Variants in TAFA2 observed in about 807,000 individuals in gnomAD.
TAFA2 encodes the protein TAFA chemokine like family member 2.
Under a neutral mutation model 18.8 loss-of-function variants are expected in TAFA2, and 7 were observed. That is an observed-to-expected ratio of 0.37 (90% confidence interval 0.21 to 0.70). The LOEUF (loss-of-function observed/expected upper bound fraction) is 0.70. Ranked by LOEUF, TAFA2 falls within the 30% of genes least tolerant of loss-of-function variation. TAFA2 has a pLI of 0.53. For missense variants in TAFA2, 122 were observed against 158.1 expected (o/e 0.77, Z 1.23); for synonymous variants, 60 against 54.2 (o/e 1.11, Z -0.47).
chr12:61,813,990 A>G (rs1473863824), intron 2 of TAFA2, among the ~76,000 whole-genome samples: 1 of 151,536 alleles, frequency 6.6e-6, no homozygotes, highest in Non-Finnish European at 1.5e-5. Flanking sequence ...GAGCACATCA[A>G]TATAGTAACA....
intron 1 of TAFA2, chr12:62,140,267 G>T (rs779934960): frequency 6.6e-6 from 1 of 152,144 alleles, no homozygotes; most frequent in Non-Finnish European, 1.5e-5. Context: ...AAGAATTATG[G>T]CTTTCTTCTT....
At chr12:61,806,582 C>A (rs1035931012) in intron 2 of TAFA2, among the ~76,000 whole-genome samples, 9 of 152,156 alleles carry the variant, frequency 5.9e-5, no homozygotes, top group Admixed American at 3.3e-4. Flanking sequence ...TGGGTAACAG[C>A]ACGGGGTAGA....
intron 1 of TAFA2, among the ~76,000 whole-genome samples, chr12:62,158,884 G>T (rs1465172566): frequency 6.6e-6 from 1 of 152,098 alleles, no homozygotes; most frequent in Non-Finnish European, 1.5e-5. Flanking sequence ...ATACAGAAAA[G>T]GCATCAGAAG....
chr12:61,820,419 C>G (rs1872269540), intron 2 of TAFA2, among the ~76,000 whole-genome samples: 1 of 151,908 alleles, frequency 6.6e-6, no homozygotes, highest in Non-Finnish European at 1.5e-5. Context: ...CTCTAATAAG[C>G]AGTAATAGTG....
chr12:61,752,584 G>A (rs1869069629), intron 4 of TAFA2, among the ~76,000 whole-genome samples: 1 of 151,998 alleles, frequency 6.6e-6, no homozygotes. Flanking sequence ...TAACAGGTTA[G>A]AGTCAAGAAA....
chr12:61,909,432 A>G (rs966871617), intron 1 of TAFA2, among the ~76,000 whole-genome samples: 1 of 152,202 alleles, frequency 6.6e-6, no homozygotes, highest in Non-Finnish European at 1.5e-5. Flanking sequence ...GGAAAATGTC[A>G]AGACTGAATC....
intron 1 of TAFA2, among the ~76,000 whole-genome samples, chr12:62,044,535 G>A (rs900663558): frequency 2.6e-5 from 4 of 152,122 alleles, no homozygotes; most frequent in Non-Finnish European, 5.9e-5. Context: ...AGGTGTCAGC[G>A]TGGCACAGAC....
chr12:62,176,744 G>A (rs2062517089), intron 1 of TAFA2, among the ~76,000 whole-genome samples: 1 of 152,112 alleles, frequency 6.6e-6, no homozygotes, highest in Non-Finnish European at 1.5e-5. Context: ...AATTTTAACT[G>A]AACAATTCTA....
intron 1 of TAFA2, among the ~76,000 whole-genome samples, chr12:62,083,090 A>T (rs952975013): frequency 6.6e-6 from 1 of 152,160 alleles, no homozygotes; most frequent in African/African-American, 2.4e-5. Context: ...GCTTTTAACC[A>T]GTAGGCTCTG....
chr12:61,881,209 G>T (rs1875121878), intron 1 of TAFA2, among the ~76,000 whole-genome samples: 2 of 151,978 alleles, frequency 1.3e-5, no homozygotes, highest in African/African-American at 2.4e-5. Flanking sequence ...CTGATTATTT[G>T]CCAATATAAT....
intron 1 of TAFA2, chr12:61,880,781 G>A (rs1338848408): frequency 5.6e-6 from 2 of 356,484 alleles, no homozygotes; most frequent in South Asian, 2.6e-5. Context: ...GAACTGCCAT[G>A]GCAGCCCCTC....
chr12:61,883,431 T>C (rs377344343), intron 1 of TAFA2, among the ~76,000 whole-genome samples: 2 of 152,154 alleles, frequency 1.3e-5, no homozygotes, highest in East Asian at 3.9e-4. Flanking sequence ...AAAGTTTGAT[T>C]TGTGGAAACA....
intron 2 of TAFA2, among the ~76,000 whole-genome samples, chr12:61,841,479 G>A (rs1873177338): frequency 6.6e-6 from 1 of 151,960 alleles, no homozygotes; most frequent in Non-Finnish European, 1.5e-5. Flanking sequence ...ATTAATTCCT[G>A]GGATCTCCAT....
At chr12:62,017,698 A>G (rs1880984184) in intron 1 of TAFA2, among the ~76,000 whole-genome samples, 1 of 152,164 alleles carries the variant, frequency 6.6e-6, no homozygotes, top group African/African-American at 2.4e-5. Context: ...AGGTTATCTC[A>G]CTAAAGTATG....
chr12:62,140,740 A>G (rs1250216145), intron 1 of TAFA2, among the ~76,000 whole-genome samples: 1 of 152,194 alleles, frequency 6.6e-6, no homozygotes, highest in Non-Finnish European at 1.5e-5. Context: ...TGCCCAGTTC[A>G]TACTAGAACC....
At chr12:62,073,949 T>C (rs886537579) in intron 1 of TAFA2, among the ~76,000 whole-genome samples, 2 of 152,250 alleles carry the variant, frequency 1.3e-5, no homozygotes, top group African/African-American at 4.8e-5. Flanking sequence ...TCTTTGTATC[T>C]TGACTGTGCC....
chr12:62,056,218 A>G (rs1226570084), intron 1 of TAFA2, among the ~76,000 whole-genome samples: 1 of 152,226 alleles, frequency 6.6e-6, no homozygotes, highest in Non-Finnish European at 1.5e-5. Flanking sequence ...GAAGTTGAGT[A>G]GGACAAGGCA....
At chr12:61,953,411 T>C (rs1878537252) in intron 1 of TAFA2, among the ~76,000 whole-genome samples, 1 of 152,054 alleles carries the variant, frequency 6.6e-6, no homozygotes, top group East Asian at 1.9e-4. Context: ...ATTGAGGAAC[T>C]CAAAAAATGG....
At chr12:61,947,799 C>T (rs905395509) in intron 1 of TAFA2, among the ~76,000 whole-genome samples, 2 of 152,180 alleles carry the variant, frequency 1.3e-5, no homozygotes, top group African/African-American at 4.8e-5. Flanking sequence ...GACTTTCCTA[C>T]ACTGAAGCAA....
Sources: allele counts gnomAD v4.1 joint callset (sites outside exome capture counted in the v4.1 genomes callset), GRCh38; gene constraint gnomAD v4.1.1; transcripts MANE v1.5; gene names NCBI Gene and HGNC (gene_info 2026-07-23, HGNC 2026-07-21).